HIPK2: variants seen among roughly 807,000 people sequenced by gnomAD.
The protein encoded by HIPK2 is homeodomain-interacting protein kinase 2.
In HIPK2, 27 loss-of-function variants were observed where a neutral mutation model predicts 113.7. That is an observed-to-expected ratio of 0.24 (90% CI 0.17 to 0.33). HIPK2 has a LOEUF of 0.33. HIPK2 is among the 10% of genes least tolerant of loss of function. The pLI, the probability that HIPK2 is intolerant of heterozygous loss-of-function variation, is 1.00. For synonymous variants in HIPK2, 631 were observed against 642.2 expected (o/e 0.98, Z 0.26); for missense variants, 1,257 against 1,588.0 (o/e 0.79, Z 3.54).
At chr7:139,718,273 C>G (rs1365952391) in intron 1 of HIPK2, among the ~76,000 whole-genome samples, 1 of 152,228 alleles carries the variant, frequency 6.6e-6, no homozygotes. Flanking sequence ...ACATTTCTCA[C>G]AGAAGCACAA....
At chr7:139,723,792 C>T (rs1404523898) in intron 1 of HIPK2, among the ~76,000 whole-genome samples, 1 of 152,140 alleles carries the variant, frequency 6.6e-6, no homozygotes, top group Admixed American at 6.5e-5. Context: ...GGGAGGTGAT[C>T]TCTAAAATAG....
intron 2 of HIPK2, among the ~76,000 whole-genome samples, chr7:139,658,377 G>A (rs1585340109): frequency 1.3e-5 from 2 of 152,028 alleles, no homozygotes; most frequent in East Asian, 1.9e-4. Context: ...TTCATTGTAT[G>A]TTTAATTAAC....
intron 6 of HIPK2, among the ~76,000 whole-genome samples, chr7:139,623,491 C>A (rs1179769092): frequency 2.1e-5 from 3 of 141,350 alleles, no homozygotes; most frequent in African/African-American, 5.4e-5. Flanking sequence ...GCACTCCAAC[C>A]TGTGCAACAG....
rs1263303654 is a variant in HIPK2 at position 139,715,912 on chromosome 7, C to T, written c.1103+20G>A. 6.2e-7 allele frequency: 1 copy of T among 1,602,832 alleles called. No homozygotes were observed. The highest frequency in any genetic ancestry group is 8.5e-7 in the Non-Finnish European group (1 of 1,172,790). On this transcript the variant is annotated intron_variant, in intron 2 of 14. Transcript: ENST00000406875. ...CCACTGGGCATTCAGCAGCTCCTGT[C>T]TCCTTGTGGACGGTCTTACCTGTAA...
intron 11 of HIPK2, among the ~76,000 whole-genome samples, chr7:139,599,204 C>T (rs756074676): frequency 6.6e-5 from 10 of 152,126 alleles, no homozygotes; most frequent in Non-Finnish European, 1.0e-4. Flanking sequence ...TGTAGTCACA[C>T]GATCTCTCTC....
intron 2 of HIPK2, among the ~76,000 whole-genome samples, chr7:139,648,713 A>G (rs943186475): frequency 1.3e-5 from 2 of 151,936 alleles, no homozygotes; most frequent in Non-Finnish European, 2.9e-5. Flanking sequence ...ATCATTACGG[A>G]GGACGGAGGA....
chr7:139,643,058 G>A (rs575835005), intron 2 of HIPK2, among the ~76,000 whole-genome samples: 19 of 152,270 alleles, frequency 1.2e-4, no homozygotes, highest in East Asian at 1.9e-4. Flanking sequence ...CTAAGGGGCC[G>A]CTACTGATGT....
intron 2 of HIPK2, among the ~76,000 whole-genome samples, chr7:139,665,558 ACATC>A (rs71170908): frequency 0.13 from 18,905 of 148,084 alleles, 1,354 homozygotes; most frequent in African/African-American, 0.2. Context: ...CCTCCTGGCC[ACATC>A]CATCCATCCA....
intron 6 of HIPK2, among the ~76,000 whole-genome samples, chr7:139,625,769 C>T (rs1800404368): frequency 6.6e-6 from 1 of 152,204 alleles, no homozygotes; most frequent in African/African-American, 2.4e-5. Context: ...TGTTTTATAC[C>T]ATTCTCTCTC....
chr7:139,759,375 C>T (rs1312575121), intron 1 of HIPK2, among the ~76,000 whole-genome samples: 1 of 152,162 alleles, frequency 6.6e-6, no homozygotes, highest in Non-Finnish European at 1.5e-5. Flanking sequence ...AAGAATTTGT[C>T]AATAACTTTT....
chr7:139,662,617 CTTTTTTTTTTT>C lies in HIPK2; in HGVS notation c.1104-30903_1104-30893del, dbSNP rs373566905. 7.5e-5 allele frequency among the ~76,000 whole-genome samples: 10 copies of C among 133,630 alleles called. No individual in the cohort carries two copies. The East Asian group carries it at 2.1e-3, about 27-fold the overall frequency. The allele number at this position is 133,630 out of a possible 152,430, so 87.7% of individuals were successfully genotyped here. A position where few individuals can be genotyped will look rare whatever the true frequency, so the allele number is the denominator to read the frequency against. On this transcript the variant is annotated intron_variant, in intron 2 of 14. Coordinates refer to ENST00000406875, the MANE Select transcript of HIPK2 (RefSeq NM_022740.5). ...CCAGGCGAAGTTTCCTAAAACACCA[CTTTTTTTTTTT>C]TTTTTTTTTGAGACGGAGTCTCGCT...
At chr7:139,727,935 ATTTTTTTTT>A (rs10524758) in intron 1 of HIPK2, among the ~76,000 whole-genome samples, 20,641 of 117,162 alleles carry the variant, frequency 0.18, 1,472 homozygotes, top group Admixed American at 0.21. Flanking sequence ...GCATTGGCTA[ATTTTTTTTT>A]TTTTTTTTTT....
chr7:139,684,959 ACT>A (rs1426159173), intron 2 of HIPK2, among the ~76,000 whole-genome samples: 1 of 152,094 alleles, frequency 6.6e-6, no homozygotes, highest in African/African-American at 2.4e-5. Flanking sequence ...CAAATCCCTA[ACT>A]CTTCAATTCT....
At chr7:139,726,811 G>C (rs1389677890) in intron 1 of HIPK2, among the ~76,000 whole-genome samples, 1 of 152,128 alleles carries the variant, frequency 6.6e-6, no homozygotes, top group Non-Finnish European at 1.5e-5. Flanking sequence ...CAAAGACAGA[G>C]GGACACAGCC....
At chr7:139,758,792 G>A (rs1054204179) in intron 1 of HIPK2, among the ~76,000 whole-genome samples, 20 of 151,976 alleles carry the variant, frequency 1.3e-4, no homozygotes, top group Non-Finnish European at 2.2e-4. Context: ...CCAGTCCCTG[G>A]GGCCAAAAAG....
At chr7:139,727,509 T>C (rs1795617421) in intron 1 of HIPK2, among the ~76,000 whole-genome samples, 1 of 152,254 alleles carries the variant, frequency 6.6e-6, no homozygotes, top group African/African-American at 2.4e-5. Flanking sequence ...GTTTCTTTGA[T>C]TGAGAAAACA....
intron 2 of HIPK2, among the ~76,000 whole-genome samples, chr7:139,641,978 C>G (rs1390324909): frequency 1.3e-5 from 2 of 152,212 alleles, no homozygotes; most frequent in Non-Finnish European, 2.9e-5. Context: ...TCTCTTGTCT[C>G]TACGGCAGCT....
At position 139,571,852 on chromosome 7, in the gene HIPK2, G is replaced by A. The variant is rs967124003; in HGVS notation, c.*1075C>T. On this transcript the variant is annotated 3_prime_UTR_variant, in exon 15 of 15. Transcript: ENST00000406875. Reference sequence around the variant, plus strand: ...GCGCCAGCTAGGGTGGCGGCGCCGAGGGCCACGCGGGGAGGGCGGCGCGTG... The same window carrying A: ...GCGCCAGCTAGGGTGGCGGCGCCGAAGGCCACGCGGGGAGGGCGGCGCGTG... 1 of 152,208 alleles carries A rather than the reference G, an allele frequency of 6.6e-6. No homozygotes were observed. Among genetic ancestry groups the A allele is most frequent in the South Asian group, 2.1e-4 (1 of 4,834 alleles). 9.4% of individuals were successfully genotyped at this position (152,208 alleles called of 1,614,324 possible).
chr7:139,673,221 C>T (rs780877167), intron 2 of HIPK2, among the ~76,000 whole-genome samples: 44 of 151,284 alleles, frequency 2.9e-4, no homozygotes, highest in South Asian at 6.3e-4. Context: ...GTGCAGATTA[C>T]GAACTGGGAA....
Sources: allele counts gnomAD v4.1 joint callset (sites outside exome capture counted in the v4.1 genomes callset), GRCh38; gene constraint gnomAD v4.1.1; transcripts MANE v1.5; gene names NCBI Gene and HGNC (gene_info 2026-07-23, HGNC 2026-07-21).